Variants in SIM1 observed in about 807,000 individuals in gnomAD.
SIM1 encodes the protein SIM bHLH transcription factor 1.
In SIM1, 18 loss-of-function variants were observed where a neutral mutation model predicts 78.2. That is an observed-to-expected ratio of 0.23 (90% CI 0.16 to 0.34). The LOEUF (loss-of-function observed/expected upper bound fraction) is 0.34. Ranked by LOEUF, SIM1 falls within the 10% of genes least tolerant of loss-of-function variation. SIM1 has a pLI of 1.00. For missense variants in SIM1, 939 were observed against 975.1 expected, an observed-to-expected ratio of 0.96 and a Z score of 0.49; for synonymous variants, 417 against 385.2, an observed-to-expected ratio of 1.08 and a Z score of -0.97.
chr6:100,388,825 C>T lies in SIM1; in HGVS notation c.*1536G>A, dbSNP rs1447854938. 1.3e-5 allele frequency: 2 copies of T among 152,126 alleles called. No individual in the cohort carries two copies. Among genetic ancestry groups the T allele is most frequent in the Non-Finnish European group, 2.9e-5 (2 of 68,004 alleles). The allele number at this position is 152,126 out of a possible 1,614,324, so 9.4% of individuals were successfully genotyped here. On this transcript the variant is annotated 3_prime_UTR_variant, in exon 12 of 12. Coordinates refer to ENST00000369208, the MANE Select transcript of SIM1 (RefSeq NM_005068.3). ...AGAATAGAGCATTAAATAAATCTTG[C>T]TATTTTTCTTCTCTGTCATAAATTT...
intron 10 of SIM1, among the ~76,000 whole-genome samples, chr6:100,412,683 A>AAGAAAAAGAAAGAAAG (rs763796634): frequency 1.3e-5 from 1 of 77,044 alleles, no homozygotes; most frequent in Non-Finnish European, 2.5e-5. Context: ...GAAAGAAAGA[A>AAGAAAAAGAAAGAAAG]AAAGAAAGAA....
At chr6:100,450,027 G>C (rs924848315) in intron 4 of SIM1, among the ~76,000 whole-genome samples, 1 of 152,174 alleles carries the variant, frequency 6.6e-6, no homozygotes, top group African/African-American at 2.4e-5. Context: ...CTCTCATGTT[G>C]TCTGGCTTGA....
At chr6:100,425,619 AC>A (rs1158182777) in intron 9 of SIM1, among the ~76,000 whole-genome samples, 28 of 152,316 alleles carry the variant, frequency 1.8e-4, no homozygotes, top group African/African-American at 6.5e-4. Context: ...CATTTGTTTT[AC>A]TTTTAGAATT....
At chr6:100,434,657 C>T (rs1771996207) in intron 9 of SIM1, among the ~76,000 whole-genome samples, 1 of 152,190 alleles carries the variant, frequency 6.6e-6, no homozygotes, top group Non-Finnish European at 1.5e-5. Flanking sequence ...AGAGACAGCA[C>T]ATTCTAAGAT....
chr6:100,412,651 AAGAAAGAGAG>A (rs1562239854), intron 10 of SIM1, among the ~76,000 whole-genome samples: 2 of 102,868 alleles, frequency 1.9e-5, no homozygotes, highest in Non-Finnish European at 4.1e-5. Flanking sequence ...GAAAGAAAGA[AAGAAAGAGAG>A]AGAGAGAGAG....
intron 9 of SIM1, among the ~76,000 whole-genome samples, chr6:100,423,392 T>C (rs1191214624): frequency 6.6e-6 from 1 of 152,142 alleles, no homozygotes; most frequent in East Asian, 1.9e-4. Context: ...TATGGGGCCC[T>C]GTTCTGGGGG....
intron 10 of SIM1, among the ~76,000 whole-genome samples, chr6:100,420,538 G>C (rs1771548578): frequency 6.6e-6 from 1 of 152,106 alleles, no homozygotes; most frequent in Admixed American, 6.6e-5. Context: ...AAATCACAAA[G>C]AAGTTATAGT....
chr6:100,459,371 A>G (rs1772777026), intron 2 of SIM1, among the ~76,000 whole-genome samples: 1 of 152,230 alleles, frequency 6.6e-6, no homozygotes, highest in African/African-American at 2.4e-5. Context: ...AGTCAACATC[A>G]AAACTGGAAT....
rs747397339 is a variant in SIM1 at position 100,463,281 on chromosome 6, C to T, written c.175+13G>A. The T allele has an allele frequency of 2.3e-5, 37 of 1,595,424 alleles. No individual in the cohort carries two copies. The highest frequency in any genetic ancestry group is 1.7e-4 in the Middle Eastern group (1 of 5,996). ...TTCTGCCTTTGAAATTCCATCTGGGCAAAGTCACTTACCTTCTGGGAACAC... is the reference window on the plus strand; with the variant it reads ...TTCTGCCTTTGAAATTCCATCTGGGTAAAGTCACTTACCTTCTGGGAACAC... On this transcript the variant is annotated intron_variant, in intron 2 of 11. Coordinates refer to ENST00000369208, the MANE Select transcript of SIM1 (RefSeq NM_005068.3).
At chr6:100,444,539 T>C (rs1227656879) in intron 9 of SIM1, among the ~76,000 whole-genome samples, 1 of 152,050 alleles carries the variant, frequency 6.6e-6, no homozygotes, top group East Asian at 1.9e-4. Context: ...ACTAAGGGAA[T>C]TTTCGGAATT....
At position 100,436,629 on chromosome 6, in the gene SIM1, C is replaced by A. The variant is rs903318214; in HGVS notation, c.998+10639G>T. On this transcript the variant is annotated intron_variant, in intron 9 of 11. Coordinates refer to ENST00000369208, the MANE Select transcript of SIM1 (RefSeq NM_005068.3). ...CAGGGCCACCAACCTTACACATGAT[C>A]TCATTAAATGTTCCAATTGACTCTA... 6.6e-5 allele frequency among the ~76,000 whole-genome samples: 10 copies of A among 152,326 alleles called. No individual in the cohort carries two copies. The South Asian group carries it at 2.1e-3, about 32-fold the overall frequency.
At chr6:100,404,455 G>T (rs1226044542) in intron 10 of SIM1, among the ~76,000 whole-genome samples, 1 of 152,114 alleles carries the variant, frequency 6.6e-6, no homozygotes, top group South Asian at 2.1e-4. Context: ...CTTTCCTCTT[G>T]ATTTGTGTCT....
In SIM1 at chr6:100,387,573, T is replaced by A. The variant is rs1433337172; in HGVS notation, c.*2788A>T. The A allele has an allele frequency of 1.3e-5, 2 of 152,074 alleles. No homozygotes were observed. The highest frequency in any genetic ancestry group is 4.8e-5 in the African/African-American group (2 of 41,450). The allele number at this position is 152,074 out of a possible 1,614,324, so 9.4% of individuals were successfully genotyped here. On this transcript the variant is annotated 3_prime_UTR_variant, in exon 12 of 12. Coordinates refer to ENST00000369208, the MANE Select transcript of SIM1 (RefSeq NM_005068.3). ...CAATATAGTGAGTCAATATGACATT[T>A]TATGTAATGTAATAAAACTGCTACT...
rs1770590940 is a variant in SIM1, at chr6:100,389,814, C to A, written c.*547G>T. 2 of 398,728 alleles carry A rather than the reference C, an allele frequency of 5.0e-6. No individual in the cohort carries two copies. Among genetic ancestry groups the A allele is most frequent in the East Asian group, 3.6e-5 (1 of 28,058 alleles). The allele number at this position is 398,728 out of a possible 1,614,324, so 24.7% of individuals were successfully genotyped here. A position where few individuals can be genotyped will look rare whatever the true frequency, so the allele number is the denominator to read the frequency against. ...TTTATGCCTGAACCAAATGAGCTGGCTGATTTGAAACCACAAAGAAGTCAG... is the reference window on the plus strand; with the variant it reads ...TTTATGCCTGAACCAAATGAGCTGGATGATTTGAAACCACAAAGAAGTCAG... On this transcript the variant is annotated 3_prime_UTR_variant, in exon 12 of 12. Transcript: ENST00000369208.
At chr6:100,406,595 T>C (rs1453883022) in intron 10 of SIM1, among the ~76,000 whole-genome samples, 3 of 152,200 alleles carry the variant, frequency 2.0e-5, no homozygotes, top group African/African-American at 7.2e-5. Flanking sequence ...AGTCTACCTT[T>C]TCTTCTTCTA....
intron 10 of SIM1, among the ~76,000 whole-genome samples, chr6:100,402,966 T>C (rs1434211775): frequency 6.6e-6 from 1 of 152,230 alleles, no homozygotes; most frequent in African/African-American, 2.4e-5. Flanking sequence ...ATGTTTTCTC[T>C]TATACTTAAA....
In SIM1 at chr6:100,390,139, A is replaced by C; in HGVS notation, c.*222T>G. On this transcript the variant is annotated 3_prime_UTR_variant, in exon 12 of 12. Coordinates refer to ENST00000369208, the MANE Select transcript of SIM1 (RefSeq NM_005068.3). Reference sequence around the variant, plus strand: ...ATTTATCTATTCTGGTTCCCATATAATTAGAGGGGAAATTTGTGTATTCAA... The same window carrying C: ...ATTTATCTATTCTGGTTCCCATATACTTAGAGGGGAAATTTGTGTATTCAA... The C allele has an allele frequency of 1.8e-6, 1 of 555,882 alleles. No individual in the cohort carries two copies. The highest frequency in any genetic ancestry group is 3.1e-6 in the Non-Finnish European group (1 of 318,976). 34.4% of individuals were successfully genotyped at this position (555,882 alleles called of 1,614,324 possible). A position where few individuals can be genotyped will look rare whatever the true frequency, so the allele number is the denominator to read the frequency against.
chr6:100,451,828 C>G (rs757429903), intron 3 of SIM1, among the ~76,000 whole-genome samples: 17 of 152,128 alleles, frequency 1.1e-4, no homozygotes, highest in Non-Finnish European at 1.6e-4. Context: ...GGAGATAATG[C>G]CTCCTTGTTT....
Position 100,448,152 on chromosome 6 carries a change from G to T in SIM1, c.844C>A (p.His282Asn), listed in dbSNP as rs1444977236. ...GGGCAGGGTGGCGCCTTACGCAAATGGTGCGCGCAGCGCAGGTGGAAGGTG... is the reference window on the plus strand; with the variant it reads ...GGGCAGGGTGGCGCCTTACGCAAATTGTGCGCGCAGCGCAGGTGGAAGGTG... ...CDTFHLRCAHHLLLVKGQVTT... is the reference protein window; with the variant it reads ...CDTFHLRCAHNLLLVKGQVTT... The change falls in exon 8 of 12, where the codon CAT (histidine) becomes AAT (asparagine). Residue 282 changes from histidine (H) to asparagine (N), a missense_variant. His to Asn is a moderately conservative substitution (Grantham distance 68). Transcript: ENST00000369208. 1.1e-5 allele frequency: 18 copies of T among 1,611,958 alleles called. No individual in the cohort carries two copies. The Admixed American group carries it at 3.0e-4, about 27-fold the overall frequency.
Sources: allele counts gnomAD v4.1 joint callset (sites outside exome capture counted in the v4.1 genomes callset), GRCh38; gene constraint gnomAD v4.1.1; transcripts MANE v1.5; gene names NCBI Gene and HGNC (gene_info 2026-07-23, HGNC 2026-07-21).